The following RYR2 variants were observed in gnomAD, a reference collection of about 807,000 sequenced individuals.
The protein encoded by RYR2 is cardiac muscle ryanodine receptor-calcium release channel.
Under a neutral mutation model 601.1 loss-of-function variants are expected in RYR2, and 227 were observed. That is an observed-to-expected ratio of 0.38 (90% CI 0.34 to 0.42). RYR2 has a LOEUF of 0.42. RYR2 is among the 10% of genes least tolerant of loss of function. The probability of loss-of-function intolerance (pLI) is 1.00; values close to 1 mark genes in which losing one functional copy is unlikely to be tolerated. For synonymous variants in RYR2, 2,223 were observed against 2,175.1 expected (o/e 1.02, Z -0.61); for missense variants, 4,646 against 6,156.5 (o/e 0.75, Z 8.21).
chr1:237,647,681 G>A (rs1682314395), intron 48 of RYR2, among the ~76,000 whole-genome samples: 1 of 152,180 alleles, frequency 6.6e-6, no homozygotes, highest in African/African-American at 2.4e-5. Context: ...AAATTTCTGT[G>A]ATAGTATTTG....
intron 41 of RYR2, among the ~76,000 whole-genome samples, chr1:237,628,697 T>G (rs1489630745): frequency 6.6e-6 from 1 of 152,162 alleles, no homozygotes; most frequent in Non-Finnish European, 1.5e-5. Flanking sequence ...TTCAGTGTTT[T>G]TTTTTAAGTC....
intron 1 of RYR2, among the ~76,000 whole-genome samples, chr1:237,150,588 C>T (rs140926736): frequency 1.2e-4 from 19 of 152,188 alleles, no homozygotes; most frequent in Admixed American, 7.2e-4. Flanking sequence ...ACACAAAGAA[C>T]ACATAGCATA....
At chr1:237,621,565 T>C (rs962667505) in intron 38 of RYR2, among the ~76,000 whole-genome samples, 2 of 152,134 alleles carry the variant, frequency 1.3e-5, no homozygotes, top group African/African-American at 4.8e-5. Flanking sequence ...TGAAACTACT[T>C]ATCATGGCAC....
intron 99 of RYR2, 128 bp downstream of exon 99, chr1:237,806,411 C>T: frequency 1.1e-6 from 1 of 876,666 alleles, no homozygotes; most frequent in East Asian, 2.6e-5. Flanking sequence ...AGGGTCTGCA[C>T]CTGTTCTAAA....
chr1:237,082,522 AACATATATATATATATATAT>A, intron 1 of RYR2, among the ~76,000 whole-genome samples: 1 of 29,418 alleles, frequency 3.4e-5, no homozygotes, highest in African/African-American at 6.3e-5. Flanking sequence ...CAAATAGGAA[AACATATATATATATATATAT>A]ATATATATAT....
chr1:237,589,576 G>T (rs763115856), intron 29 of RYR2, among the ~76,000 whole-genome samples: 1 of 152,072 alleles, frequency 6.6e-6, no homozygotes, highest in East Asian at 1.9e-4. Flanking sequence ...CTTATCTAGG[G>T]CCCACAGCTA....
At chr1:237,107,762 A>C (rs375351094) in intron 1 of RYR2, among the ~76,000 whole-genome samples, 1 of 152,216 alleles carries the variant, frequency 6.6e-6, no homozygotes, top group East Asian at 1.9e-4. Flanking sequence ...GCTTTGGGGC[A>C]TTCCCTTCCA....
chr1:237,753,066 G>A (rs1692667528), intron 80 of RYR2, among the ~76,000 whole-genome samples: 1 of 152,214 alleles, frequency 6.6e-6, no homozygotes, highest in Non-Finnish European at 1.5e-5. Context: ...CAGCCTGTCA[G>A]TCGCTCAGGT....
chr1:237,111,367 C>T (rs1220938134), intron 1 of RYR2, among the ~76,000 whole-genome samples: 1 of 152,104 alleles, frequency 6.6e-6, no homozygotes, highest in East Asian at 1.9e-4. Context: ...GCAGGTGGAT[C>T]ACTTGAGGTC....
intron 24 of RYR2, 50 bp from the exon 25 acceptor site, chr1:237,530,377 C>G (rs956394532): frequency 2.9e-6 from 4 of 1,371,634 alleles, no homozygotes; most frequent in Non-Finnish European, 3.1e-6. Flanking sequence ...TTGGGTTATT[C>G]TGGACATAGA....
chr1:237,210,093 T>C (rs1403980092), intron 1 of RYR2, among the ~76,000 whole-genome samples: 1 of 150,252 alleles, frequency 6.7e-6, no homozygotes, highest in African/African-American at 2.4e-5. Flanking sequence ...TTCCATTCAT[T>C]TTTCTGTGTA....
At chr1:237,657,613 T>C (rs940890097) in intron 53 of RYR2, among the ~76,000 whole-genome samples, 4 of 151,644 alleles carry the variant, frequency 2.6e-5, no homozygotes, top group African/African-American at 9.7e-5. Context: ...TTTTCTTTTT[T>C]GTGTAATCTA....
At chr1:237,571,274 T>C (rs943679559) in intron 29 of RYR2, among the ~76,000 whole-genome samples, 4 of 151,860 alleles carry the variant, frequency 2.6e-5, no homozygotes, top group East Asian at 3.9e-4. Context: ...GATTTTAAGA[T>C]ACATACCTAC....
chr1:237,830,311 C>T (rs1006384777), intron 102 of RYR2: 1 of 437,630 alleles, frequency 2.3e-6, no homozygotes, highest in Admixed American at 3.7e-5. Flanking sequence ...TCTGCGTCTG[C>T]TACTTCTTGC....
At chr1:237,539,064 A>G (rs1031820065) in intron 25 of RYR2, among the ~76,000 whole-genome samples, 2 of 152,240 alleles carry the variant, frequency 1.3e-5, no homozygotes, top group African/African-American at 2.4e-5. Context: ...TAACCTAGAT[A>G]CAACCTAGAT....
At chr1:237,469,256 GACAAAA>G in intron 17 of RYR2, 69 bp downstream of exon 17, 1 of 50,946 alleles carries the variant, frequency 2.0e-5, no homozygotes, top group Non-Finnish European at 3.5e-5. Flanking sequence ...TATCCTTTAA[GACAAAA>G]AAAAAAAAAA....
chr1:237,702,010 C>A lies in RYR2; in HGVS notation c.9400C>A (p.Leu3134Met). Residue 3134 changes from leucine (L) to methionine (M), a missense_variant, in exon 66 of 105, where the codon CTG becomes ATG. Physicochemically the swap from Leu to Met is conservative, Grantham distance 15. Coordinates refer to ENST00000366574, the MANE Select transcript of RYR2 (RefSeq NM_001035.3). ...TGTCCAGGTGTCTTGTTATAGAATT[C>A]TGACTAGCTTATATGCTTTGGGAAC... ...EDVQVSCYRI[L>M]TSLYALGTSK... 1 of 1,608,648 alleles carries A rather than the reference C, an allele frequency of 6.2e-7. No homozygotes were observed. Among genetic ancestry groups the A allele is most frequent in the Non-Finnish European group, 8.5e-7 (1 of 1,175,352 alleles).
intron 1 of RYR2, among the ~76,000 whole-genome samples, chr1:237,218,572 A>C (rs1683436219): frequency 6.6e-6 from 1 of 152,156 alleles, no homozygotes; most frequent in South Asian, 2.1e-4. Context: ...TTTGCTCCTC[A>C]AAAAAATTTC....
intron 85 of RYR2, 86 bp from the exon 86 acceptor site, chr1:237,771,926 T>C: frequency 4.1e-6 from 3 of 727,242 alleles, no homozygotes; most frequent in South Asian, 3.1e-5. Context: ...GATTTTGCCA[T>C]AGAAAGCATT....
Sources: gnomAD v4.1 joint callset for allele counts (sites outside exome capture counted in the v4.1 genomes callset) on GRCh38, gnomAD v4.1.1 for gene constraint, MANE v1.5 for transcripts, NCBI Gene and HGNC (gene_info 2026-07-23, HGNC 2026-07-21) for gene names.